The following ATP10B variants were observed in gnomAD, a reference collection of about 807,000 sequenced individuals.
ATP10B encodes ATPase phospholipid transporting 10B (putative), also known as phospholipid-transporting ATPase VB.
In ATP10B, 122 loss-of-function variants were observed where a neutral mutation model predicts 141.2. That is an observed-to-expected ratio of 0.86 (90% CI 0.75 to 1.00). The LOEUF (loss-of-function observed/expected upper bound fraction) is 1.00, where lower values mean the gene tolerates loss of function less well. ATP10B is among the 50% of genes least tolerant of loss of function. The pLI is 0.00. For synonymous variants in ATP10B, 685 were observed against 692.0 expected (o/e 0.99, Z 0.16); for missense variants, 1,876 against 1,825.3 (o/e 1.03, Z -0.51).
chr5:160,718,748 C>A (rs534356547), intron 2 of ATP10B, among the ~76,000 whole-genome samples: 1 of 152,146 alleles, frequency 6.6e-6, no homozygotes. Flanking sequence ...GGGAATGGCA[C>A]CAAGCCACCC....
intron 1 of ATP10B, among the ~76,000 whole-genome samples, chr5:160,849,874 G>A (rs1753691896): frequency 6.6e-6 from 1 of 152,110 alleles, no homozygotes; most frequent in African/African-American, 2.4e-5. Context: ...TAAAAGAATT[G>A]TAAAACAATG....
At chr5:160,760,330 CT>C (rs1171198002) in intron 2 of ATP10B, among the ~76,000 whole-genome samples, 2 of 152,280 alleles carry the variant, frequency 1.3e-5, no homozygotes, top group East Asian at 1.9e-4. Context: ...GGCTAGAATT[CT>C]TTTTTTCCTT....
intron 1 of ATP10B, among the ~76,000 whole-genome samples, chr5:160,820,383 C>G (rs1213012377): frequency 6.6e-6 from 1 of 151,770 alleles, no homozygotes; most frequent in East Asian, 1.9e-4. Flanking sequence ...AAGATTGAAG[C>G]ATTAATGCAA....
At chr5:160,777,933 GA>G (rs929583454) in intron 2 of ATP10B, among the ~76,000 whole-genome samples, 4 of 151,702 alleles carry the variant, frequency 2.6e-5, no homozygotes, top group South Asian at 2.1e-4. Context: ...AGTAACAGGT[GA>G]AAAAAACCAC....
intron 7 of ATP10B, among the ~76,000 whole-genome samples, chr5:160,665,790 A>G (rs1481307242): frequency 4.6e-5 from 7 of 152,214 alleles, no homozygotes; most frequent in East Asian, 1.9e-4. Flanking sequence ...GTGTGGGTAT[A>G]TATGTGGGGT....
At chr5:160,834,417 T>C (rs1352106581) in intron 1 of ATP10B, among the ~76,000 whole-genome samples, 1 of 152,108 alleles carries the variant, frequency 6.6e-6, no homozygotes, top group Non-Finnish European at 1.5e-5. Flanking sequence ...CCTAGGGTAA[T>C]GAGCATGCTG....
intron 9 of ATP10B, among the ~76,000 whole-genome samples, chr5:160,643,724 C>A (rs185744369): frequency 1.3e-5 from 2 of 152,174 alleles, no homozygotes; most frequent in African/African-American, 2.4e-5. Flanking sequence ...GTAATTTGAT[C>A]CTTACAAACA....
rs1211580744 is a variant in ATP10B at position 160,812,020 on chromosome 5, C to CACAGAGAGAGAGAGAGAGAG, written c.-575-26218_-575-26217insCTCTCTCTCTCTCTCTCTGT. ...AGAGAGACAGAGACAGAGACAGAGA[C>CACAGAGAGAGAGAGAGAGAG]AGAGAGAGAGAGAGAGAGAGAGAGA... On this transcript the variant is annotated intron_variant, in intron 1 of 25. Transcript: ENST00000327245. 2.0e-3 allele frequency among the ~76,000 whole-genome samples: 228 copies of CACAGAGAGAGAGAGAGAGAG among 111,514 alleles called. 5 individuals carry two copies. Among genetic ancestry groups the CACAGAGAGAGAGAGAGAGAG allele is most frequent in the Non-Finnish European group, 2.8e-3 (137 of 49,462 alleles). The allele number at this position is 111,514 out of a possible 152,430, so 73.2% of individuals were successfully genotyped here. A position where few individuals can be genotyped will look rare whatever the true frequency, so the allele number is the denominator to read the frequency against.
At chr5:160,873,832 TA>T in the ATP10B span, among the ~76,000 whole-genome samples, 3 of 152,180 alleles carry the variant, frequency 2.0e-5, no homozygotes. Context: ...CAGACCTGCT[TA>T]AAAAATGGTG....
At chr5:160,810,927 A>G (rs919561956) in intron 1 of ATP10B, among the ~76,000 whole-genome samples, 3 of 152,158 alleles carry the variant, frequency 2.0e-5, no homozygotes, top group Non-Finnish European at 2.9e-5. Flanking sequence ...TTGTAATTTT[A>G]TAGTTATCAT....
chr5:160,887,009 C>T, the ATP10B span, among the ~76,000 whole-genome samples: 1 of 152,170 alleles, frequency 6.6e-6, no homozygotes, highest in Non-Finnish European at 1.5e-5. Flanking sequence ...CTCTGTTTCA[C>T]AAGGAAATGT....
intron 2 of ATP10B, among the ~76,000 whole-genome samples, chr5:160,777,910 A>G (rs935905468): frequency 6.6e-6 from 1 of 152,200 alleles, no homozygotes. Flanking sequence ...CTAATATAAC[A>G]CAATCTCTAA....
At chr5:160,806,130 T>C (rs1772755471) in intron 1 of ATP10B, among the ~76,000 whole-genome samples, 1 of 152,234 alleles carries the variant, frequency 6.6e-6, no homozygotes, top group African/African-American at 2.4e-5. Flanking sequence ...CCATCTGCTT[T>C]ACTCTGTCCA....
At chr5:160,828,959 A>G (rs916577488) in intron 1 of ATP10B, among the ~76,000 whole-genome samples, 1 of 145,754 alleles carries the variant, frequency 6.9e-6, no homozygotes, top group African/African-American at 2.5e-5. Flanking sequence ...ACGCAAGGAC[A>G]AAAAACCAAA....
chr5:160,614,920 A>G (rs1367211971), intron 17 of ATP10B, among the ~76,000 whole-genome samples: 3 of 152,072 alleles, frequency 2.0e-5, no homozygotes, highest in Non-Finnish European at 4.4e-5. Context: ...CTGTTTGGGC[A>G]TTGTTTACCC....
At chr5:160,798,908 T>C (rs568123461) in intron 1 of ATP10B, among the ~76,000 whole-genome samples, 15 of 152,076 alleles carry the variant, frequency 9.9e-5, no homozygotes, top group South Asian at 2.1e-4. Flanking sequence ...TGTGCTACCA[T>C]GCCCAGCTAA....
intron 6 of ATP10B, among the ~76,000 whole-genome samples, chr5:160,675,482 G>A (rs528785716): frequency 2.3e-4 from 35 of 152,294 alleles, no homozygotes; most frequent in African/African-American, 7.7e-4. Flanking sequence ...GAAATAGAGG[G>A]AGGAGAGGAT....
chr5:160,877,622 A>G, the ATP10B span, among the ~76,000 whole-genome samples: 13 of 150,630 alleles, frequency 8.6e-5, no homozygotes, highest in African/African-American at 2.4e-4. Flanking sequence ...ACATGATTGT[A>G]TATCTAGAAA....
chr5:160,921,102 A>G, the ATP10B span, among the ~76,000 whole-genome samples: 1 of 152,198 alleles, frequency 6.6e-6, no homozygotes, highest in Non-Finnish European at 1.5e-5. Flanking sequence ...CATGTCCTCT[A>G]TCGGATTAAA....
Sources: allele counts gnomAD v4.1 joint callset (sites outside exome capture counted in the v4.1 genomes callset), GRCh38; gene constraint gnomAD v4.1.1; transcripts MANE v1.5; gene names NCBI Gene and HGNC (gene_info 2026-07-23, HGNC 2026-07-21).